SLC38A7: variants seen among roughly 807,000 people sequenced by gnomAD.
SLC38A7 encodes solute carrier family 38 member 7.
SLC38A7 carries 29 observed loss-of-function variants against 50.1 expected under a neutral mutation model. The ratio of observed to expected loss-of-function variants is 0.58; its 90% CI spans 0.43 to 0.79. The LOEUF (loss-of-function observed/expected upper bound fraction) is 0.79. SLC38A7 is among the 30% of genes least tolerant of loss of function. SLC38A7 has a pLI of 0.00. For missense variants in SLC38A7, 483 were observed against 610.6 expected, an observed-to-expected ratio of 0.79 and a Z score of 2.20; for synonymous variants, 244 against 245.9, an observed-to-expected ratio of 0.99 and a Z score of 0.07.
chr16:58,684,439 T>A (rs1334804527), intron 1 of SLC38A7: 3 of 152,572 alleles, frequency 2.0e-5, no homozygotes, highest in African/African-American at 7.2e-5. Flanking sequence ...GCGGGGCGAT[T>A]CCCAGGCCTG....
chr16:58,674,441 C>T (rs991062262), intron 8 of SLC38A7, among the ~76,000 whole-genome samples: 1 of 151,896 alleles, frequency 6.6e-6, no homozygotes, highest in Non-Finnish European at 1.5e-5. Flanking sequence ...CATAACCTGG[C>T]TAATTTTTAA....
In SLC38A7 at chr16:58,680,179, A is replaced by C. The variant is rs954374535; in HGVS notation, c.-53T>G. The C allele has an allele frequency of 6.7e-7, 1 of 1,492,942 alleles. No homozygotes were observed. The highest frequency in any genetic ancestry group is 2.4e-5 in the Admixed American group (1 of 41,134). The allele number at this position is 1,492,942 out of a possible 1,614,324, so 92.5% of individuals were successfully genotyped here. On this transcript the variant is annotated 5_prime_UTR_variant, in exon 3 of 12. It removes an upstream start codon present in the reference 5' UTR. Coordinates refer to ENST00000219320, the MANE Select transcript of SLC38A7 (RefSeq NM_018231.3). ...TCTGTGGGTTCTGCCTTACAACCAC[A>C]TGCCTCAGGGAGCTGAGCAACACCC...
intron 2 of SLC38A7, among the ~76,000 whole-genome samples, chr16:58,682,938 T>G (rs150595606): frequency 5.1e-4 from 78 of 151,912 alleles, no homozygotes; most frequent in African/African-American, 1.9e-3. Context: ...CTTTTTAAAT[T>G]TTTTGTTCCT....
rs1287798439 is a variant in SLC38A7 at position 58,667,488 on chromosome 16, C to T, written c.1287-1G>A. ...TCCGTAGCTGACCAGCACCCACCAGCTGTAGAACAGAGGGTGAGAGAGGTC... is the reference window on the plus strand; with the variant it reads ...TCCGTAGCTGACCAGCACCCACCAGTTGTAGAACAGAGGGTGAGAGAGGTC... On this transcript the variant is annotated splice_acceptor_variant, in intron 11 of 11. Transcript: ENST00000219320. LOFTEE classifies it high-confidence loss of function. 2.5e-6 allele frequency: 4 copies of T among 1,605,050 alleles called. No homozygotes were observed. Among genetic ancestry groups the T allele is most frequent in the Non-Finnish European group, 3.4e-6 (4 of 1,175,796 alleles).
chr16:58,667,211 G>A lies in SLC38A7; in HGVS notation c.*174C>T. 1.7e-6 allele frequency: 1 copy of A among 599,830 alleles called. No homozygotes were observed. The highest frequency in any genetic ancestry group is 2.9e-6 in the Non-Finnish European group (1 of 345,414). The allele number at this position is 599,830 out of a possible 1,614,324, so 37.2% of individuals were successfully genotyped here. ...AGGACTGGGGAGCAGGAAGGGGACT[G>A]GATTTGAGCTGTCCAGAGGTGTGGG... On this transcript the variant is annotated 3_prime_UTR_variant, in exon 12 of 12. Transcript: ENST00000219320.
chr16:58,678,308 C>G lies in SLC38A7; in HGVS notation c.611+25G>C. 2 of 1,521,274 alleles carry G rather than the reference C, an allele frequency of 1.3e-6. No individual in the cohort carries two copies. The highest frequency in any genetic ancestry group is 1.8e-6 in the Non-Finnish European group (2 of 1,133,528). The allele number at this position is 1,521,274 out of a possible 1,614,324, so 94.2% of individuals were successfully genotyped here. A position where few individuals can be genotyped will look rare whatever the true frequency, so the allele number is the denominator to read the frequency against. On this transcript the variant is annotated intron_variant, in intron 5 of 11. Coordinates refer to ENST00000219320, the MANE Select transcript of SLC38A7 (RefSeq NM_018231.3). The surrounding 1 kb of genome is among the most constrained non-coding windows in gnomAD (Gnocchi z 4.0). The stretch of plus-strand genomic sequence containing the variant: ...AGCTGCCCAGGATCATAGCTTCTGT[C>G]TGACCCAGGCTGGGGCCTCCAAACC...
intron 8 of SLC38A7, among the ~76,000 whole-genome samples, chr16:58,673,048 C>T (rs1455915100): frequency 6.7e-6 from 1 of 150,014 alleles, no homozygotes; most frequent in Non-Finnish European, 1.5e-5. Context: ...CTGCCTCAGC[C>T]TCCTGAGTAG....
intron 8 of SLC38A7, chr16:58,675,364 AAT>A: frequency 2.3e-6 from 1 of 428,850 alleles, no homozygotes; most frequent in Non-Finnish European, 4.5e-6. Flanking sequence ...AAAAAAAAAA[AAT>A]TAGCTGGGCA....
At position 58,680,085 on chromosome 16, in the gene SLC38A7, G is replaced by A. The variant is rs763454636; in HGVS notation, c.42C>T (p.Asp14=). 5.1e-6 allele frequency: 8 copies of A among 1,560,118 alleles called. No homozygotes were observed. The South Asian group carries it at 8.5e-5, about 17-fold the overall frequency. ...VSINNDYSEW[D]LSTDAGERAR... ...CCCGCTCCCCGGCATCCGTGCTCAA[G>A]TCCCACTCGCTGTAGTCATTGTTGA... The change falls in exon 3 of 12, where the codon GAC becomes GAT. Residue 14 remains aspartate (D), a synonymous_variant. Transcript: ENST00000219320.
In SLC38A7 at chr16:58,667,361, CT is replaced by C. The variant is rs1422767896; in HGVS notation, c.*23del. The C allele has an allele frequency of 6.2e-7, 1 of 1,612,390 alleles. No homozygotes were observed. ...GGTTCCTGCGACCAATGGCAAAGGC[CT>C]TGTGTTCCCTGGGAGGCAGTGGTTA... On this transcript the variant is annotated 3_prime_UTR_variant, in exon 12 of 12. Transcript: ENST00000219320.
intron 8 of SLC38A7, among the ~76,000 whole-genome samples, chr16:58,673,735 G>T (rs1264846193): frequency 6.8e-6 from 1 of 146,738 alleles, no homozygotes; most frequent in Non-Finnish European, 1.5e-5. Flanking sequence ...TACAATCATA[G>T]TTCCACTGTA....
chr16:58,674,678 C>T (rs1025985690), intron 8 of SLC38A7, among the ~76,000 whole-genome samples: 2 of 152,020 alleles, frequency 1.3e-5, no homozygotes, highest in African/African-American at 4.8e-5. Flanking sequence ...TTAATTTTTA[C>T]AGGCTTATTT....
Position 58,678,815 on chromosome 16 carries a change from T to A in SLC38A7, c.350A>T (p.Glu117Val). The change falls in exon 4 of 12, where the codon GAG (glutamate) becomes GTG (valine). Residue 117 changes from glutamate to valine, a missense_variant. Glu to Val is a moderately radical substitution (Grantham distance 121). Transcript: ENST00000219320. The surrounding 1 kb of genome is among the most constrained non-coding windows in gnomAD (Gnocchi z 4.0). ...CTTGCCACACACAGCCCATACCACCTCCTGGTAGGTCCTCTCATTGCTGGC... is the reference window on the plus strand; with the variant it reads ...CTTGCCACACACAGCCCATACCACCACCTGGTAGGTCCTCTCATTGCTGGC... ...SQASNERTYQ[E>V]VVWAVCGKLT... 1.2e-6 allele frequency: 2 copies of A among 1,614,082 alleles called. No homozygotes were observed. The highest frequency in any genetic ancestry group is 1.7e-6 in the Non-Finnish European group (2 of 1,180,004).
In SLC38A7 at chr16:58,678,402, C is replaced by A; in HGVS notation, c.542G>T (p.Ser181Ile). 6.2e-7 allele frequency: 1 copy of A among 1,601,082 alleles called. No homozygotes were observed. Among genetic ancestry groups the A allele is most frequent in the Non-Finnish European group, 8.5e-7 (1 of 1,173,416 alleles). The change falls in exon 5 of 12, where the codon AGC becomes ATC. Residue 181 changes from serine (S) to isoleucine (I), a missense_variant. Transcript: ENST00000219320. The surrounding 1 kb of genome is among the most constrained non-coding windows in gnomAD (Gnocchi z 4.0). ...CAGGATGAAGAGGAAGGCAGTGAGG[C>A]TGATGGTGAACTTGCGGTCTGTGTA... The part of the protein sequence containing the change: ...PWYTDRKFTI[S>I]LTAFLFILPL...
intron 3 of SLC38A7, 130 bp downstream of exon 3, chr16:58,679,727 G>T (rs762517957): frequency 2.5e-6 from 3 of 1,220,434 alleles, no homozygotes; most frequent in South Asian, 1.3e-5. Context: ...GATTAGTCAT[G>T]TCTGCCATGT....
chr16:58,675,888 T>C, intron 8 of SLC38A7, 52 bp downstream of exon 8: 1 of 1,439,026 alleles, frequency 6.9e-7, no homozygotes, highest in African/African-American at 1.4e-5. Context: ...TAGGGACTCC[T>C]GTGGAAGTGA....
chr16:58,679,776 C>T (rs1483769596), intron 3 of SLC38A7, 81 bp downstream of exon 3: 1 of 1,578,866 alleles, frequency 6.3e-7, no homozygotes, highest in Non-Finnish European at 8.6e-7. Context: ...CACTTACTGG[C>T]CATCCCTGAC....
rs757862614 is a variant in SLC38A7, at chr16:58,678,679, C to A, written c.469+17G>T. The A allele has an allele frequency of 4.3e-6, 7 of 1,612,778 alleles. No homozygotes were observed. In the Admixed American group the frequency reaches 6.7e-5, roughly 15 times the overall value. Reference sequence around the variant, plus strand: ...CTGATAAGAAGAGATGGGGTAGGGACTGAGGGAGAAGCTCACTCTTGTCCT... The same window carrying A: ...CTGATAAGAAGAGATGGGGTAGGGAATGAGGGAGAAGCTCACTCTTGTCCT... On this transcript the variant is annotated intron_variant, in intron 4 of 11. Coordinates refer to ENST00000219320, the MANE Select transcript of SLC38A7 (RefSeq NM_018231.3). This position sits in a 1 kb window ranked among gnomAD's most constrained non-coding sequence, Gnocchi z 4.0.
intron 8 of SLC38A7, chr16:58,675,285 T>C (rs1224196825): frequency 1.4e-5 from 6 of 416,498 alleles, no homozygotes; most frequent in South Asian, 7.1e-5. Flanking sequence ...GGCAGGAGAA[T>C]TGCTTGAGCC....
Sources: allele counts gnomAD v4.1 joint callset (sites outside exome capture counted in the v4.1 genomes callset), GRCh38; gene constraint gnomAD v4.1.1; non-coding constraint Gnocchi (gnomAD v3.1); transcripts MANE v1.5; gene names NCBI Gene and HGNC (gene_info 2026-07-23, HGNC 2026-07-21).